The following ST8SIA4 variants were observed in gnomAD, a reference collection of about 807,000 sequenced individuals.
ST8SIA4 encodes the protein ST8 alpha-N-acetyl-neuraminide alpha-2,8-sialyltransferase 4.
Under a neutral mutation model 33.9 loss-of-function variants are expected in ST8SIA4, and 15 were observed. The ratio of observed to expected loss-of-function variants is 0.44; its 90% CI spans 0.30 to 0.68. The LOEUF (loss-of-function observed/expected upper bound fraction) is 0.68. ST8SIA4 is among the 30% of genes least tolerant of loss of function. ST8SIA4 has a pLI of 0.10. For missense variants in ST8SIA4, 321 were observed against 428.0 expected, an observed-to-expected ratio of 0.75 and a Z score of 2.21; for synonymous variants, 171 against 151.2, an observed-to-expected ratio of 1.13 and a Z score of -0.96.
At chr5:100,900,825 A>T (rs1036341296) in intron 1 of ST8SIA4, among the ~76,000 whole-genome samples, 1 of 152,108 alleles carries the variant, frequency 6.6e-6, no homozygotes, top group African/African-American at 2.4e-5. Flanking sequence ...GTCCTGCAAT[A>T]AAGGTTTCCC....
chr5:100,836,724 A>G (rs1178111563), intron 4 of ST8SIA4, among the ~76,000 whole-genome samples: 4 of 152,032 alleles, frequency 2.6e-5, no homozygotes, highest in Admixed American at 6.6e-5. Flanking sequence ...TAAACAATCA[A>G]CTTGAATTAT....
At chr5:100,893,514 A>C (rs1752716958) in intron 2 of ST8SIA4, among the ~76,000 whole-genome samples, 1 of 152,154 alleles carries the variant, frequency 6.6e-6, no homozygotes, top group Non-Finnish European at 1.5e-5. Context: ...GATCACCCTC[A>C]AATACATGAA....
chr5:100,866,315 G>C (rs1424604133), intron 3 of ST8SIA4, among the ~76,000 whole-genome samples: 1 of 152,010 alleles, frequency 6.6e-6, no homozygotes, highest in African/African-American at 2.4e-5. Context: ...GGAGAAATAA[G>C]ATATGTAAAA....
rs776598429 is a variant in ST8SIA4 at position 100,816,499 on chromosome 5, A to G, written c.798-4370T>C. ...GTTTAGAAGTATTACATTGGTGCAA[A>G]AGTAACTGCAGTTTTTGCTATTGAA... On this transcript the variant is annotated intron_variant, in intron 4 of 4. Transcript: ENST00000231461. 4 of 527,062 alleles carry G rather than the reference A, an allele frequency of 7.6e-6. No individual in the cohort carries two copies. The Admixed American group carries it at 8.0e-5, about 11-fold the overall frequency. The allele number at this position is 527,062 out of a possible 1,614,324, so 32.6% of individuals were successfully genotyped here. A position where few individuals can be genotyped will look rare whatever the true frequency, so the allele number is the denominator to read the frequency against.
chr5:100,834,766 T>C lies in ST8SIA4; in HGVS notation c.797+21337A>G, dbSNP rs575266278. Among the ~76,000 whole-genome samples the C allele has an allele frequency of 2.0e-5, 3 of 152,240 alleles. No homozygotes were observed. In the East Asian group the frequency reaches 5.8e-4, roughly 29 times the overall value. On this transcript the variant is annotated intron_variant, in intron 4 of 4. Transcript: ENST00000231461. ...ATCTCCCAGCTCTTTCTCTTGACCC[T>C]GCTCTCACCATGTGAGAGCCTGTCC...
rs918770216 is a variant in ST8SIA4, at chr5:100,895,725, C to G, written c.174G>C (p.Lys58Asn). The change falls in exon 2 of 5, where the codon AAG becomes AAC. Residue 58 changes from lysine (K) to asparagine (N), a missense_variant. By Grantham distance (94) the Lys-to-Asn change is moderately conservative (BLOSUM62 0). Transcript: ENST00000231461. ...TGTGCTGGAAGATTGAAGAGCCAGCCTTTCGAATGATTTTATCAGAGCTAT... is the reference window on the plus strand; with the variant it reads ...TGTGCTGGAAGATTGAAGAGCCAGCGTTTCGAATGATTTTATCAGAGCTAT... Reference protein sequence around the residue: ...LVNSSDKIIRKAGSSIFQHNV... With the variant: ...LVNSSDKIIRNAGSSIFQHNV... 2 of 1,612,832 alleles carry G rather than the reference C, an allele frequency of 1.2e-6. No homozygotes were observed. Among genetic ancestry groups the G allele is most frequent in the Non-Finnish European group, 1.7e-6 (2 of 1,179,150 alleles).
At chr5:100,890,782 G>C (rs1752643995) in intron 2 of ST8SIA4, 1 of 151,860 alleles carries the variant, frequency 6.6e-6, no homozygotes, top group South Asian at 2.1e-4. Context: ...AAAGATAACT[G>C]AAGGAATCTG....
chr5:100,886,398 T>C lies in ST8SIA4; in HGVS notation c.448A>G (p.Ile150Val), dbSNP rs1752537856. 6.2e-7 allele frequency: 1 copy of C among 1,613,820 alleles called. No individual in the cohort carries two copies. Among genetic ancestry groups the C allele is most frequent in the Admixed American group, 1.7e-5 (1 of 59,988 alleles). ...TTTCCACATTCACTGTCTAACAGAA[T>C]GCCAGAATTTCCAACAACTGCACAG... is the stretch of plus-strand genomic sequence containing the variant. Reference protein sequence around the residue: ...KTCAVVGNSGILLDSECGKEI... With the variant: ...KTCAVVGNSGVLLDSECGKEI... The change falls in exon 3 of 5, where the codon ATT (isoleucine) becomes GTT (valine). Residue 150 changes from isoleucine (I) to valine (V), a missense_variant. By Grantham distance (29) the Ile-to-Val change is conservative (BLOSUM62 3). Coordinates refer to ENST00000231461, the MANE Select transcript of ST8SIA4 (RefSeq NM_005668.6).
At chr5:100,871,712 G>C (rs553816113) in intron 3 of ST8SIA4, among the ~76,000 whole-genome samples, 1 of 152,132 alleles carries the variant, frequency 6.6e-6, no homozygotes, top group South Asian at 2.1e-4. Flanking sequence ...CTATGACGAT[G>C]AACTCAAACA....
At position 100,875,511 on chromosome 5, in the gene ST8SIA4, T is replaced by C. The variant is rs76742215; in HGVS notation, c.503+10832A>G. Reference sequence around the variant, plus strand: ...ACATTCTATTAGTCCCTCTGCATTATTGGAAATAATAAACCTGGCCGTAGA... The same window carrying C: ...ACATTCTATTAGTCCCTCTGCATTACTGGAAATAATAAACCTGGCCGTAGA... On this transcript the variant is annotated intron_variant, in intron 3 of 4. Coordinates refer to ENST00000231461, the MANE Select transcript of ST8SIA4 (RefSeq NM_005668.6). 2.8e-3 allele frequency among the ~76,000 whole-genome samples: 423 copies of C among 152,290 alleles called. 10 individuals carry two copies. In the East Asian group the frequency reaches 0.069, roughly 25 times the overall value.
rs1023374216 is a variant in ST8SIA4 at position 100,807,612 on chromosome 5, C to T, written c.*4235G>A. The T allele has an allele frequency of 1.3e-5, 2 of 152,454 alleles. No homozygotes were observed. Among genetic ancestry groups the T allele is most frequent in the South Asian group, 4.1e-4 (2 of 4,824 alleles). The allele number at this position is 152,454 out of a possible 1,614,324, so 9.4% of individuals were successfully genotyped here. A position where few individuals can be genotyped will look rare whatever the true frequency, so the allele number is the denominator to read the frequency against. On this transcript the variant is annotated 3_prime_UTR_variant, in exon 5 of 5. Transcript: ENST00000231461. ...TGGACATACTAGACCCTTACTGTAA[C>T]TCTACGTATGAACGACATAGAATTC...
intron 3 of ST8SIA4, among the ~76,000 whole-genome samples, chr5:100,867,762 T>G (rs1469324559): frequency 6.6e-6 from 1 of 152,024 alleles, no homozygotes; most frequent in Admixed American, 6.6e-5. Context: ...GATTTTTAAC[T>G]TAGTATATAT....
rs1383671284 is a variant in ST8SIA4, at chr5:100,889,035, T to C, written c.246-2435A>G. ...ACTGACACACCATAACAGTTTATCT[T>C]AACAAAGTCCAGGTTATATAAGAAG... On this transcript the variant is annotated intron_variant, in intron 2 of 4. Coordinates refer to ENST00000231461, the MANE Select transcript of ST8SIA4 (RefSeq NM_005668.6). 3.3e-5 allele frequency among the ~76,000 whole-genome samples: 5 copies of C among 151,912 alleles called. No homozygotes were observed. The South Asian group carries it at 1.0e-3, about 31-fold the overall frequency.
In ST8SIA4 at chr5:100,815,828, T is replaced by G. The variant is rs77878284; in HGVS notation, c.798-3699A>C. 9.2e-3 allele frequency among the ~76,000 whole-genome samples: 1,398 copies of G among 152,262 alleles called. 18 individuals are homozygous for G. The highest frequency in any genetic ancestry group is 0.032 in the African/African-American group (1,328 of 41,556). The stretch of plus-strand genomic sequence containing the variant: ...GCTGCTTCACTTCTTTGGAGCCCAG[T>G]TAACAATATTTAACAAGAAAGGTTG... On this transcript the variant is annotated intron_variant, in intron 4 of 4. Coordinates refer to ENST00000231461, the MANE Select transcript of ST8SIA4 (RefSeq NM_005668.6).
In ST8SIA4 at chr5:100,810,261, C is replaced by CTAAATT. The variant is rs1750788095; in HGVS notation, c.*1580_*1585dup. Reference sequence around the variant, plus strand: ...TTGAAGAACATATGTGATATTGTGACTAAATTTAACTACAGAAAATATCGG... The same window carrying CTAAATT: ...TTGAAGAACATATGTGATATTGTGACTAAATTTAAATTTAACTACAGAAAATATCGG... On this transcript the variant is annotated 3_prime_UTR_variant, in exon 5 of 5. Transcript: ENST00000231461. 1 of 152,084 alleles carries CTAAATT rather than the reference C, an allele frequency of 6.6e-6. No individual in the cohort carries two copies. Among genetic ancestry groups the CTAAATT allele is most frequent in the African/African-American group, 2.4e-5 (1 of 41,410 alleles). The allele number at this position is 152,084 out of a possible 1,614,324, so 9.4% of individuals were successfully genotyped here.
chr5:100,834,901 C>T (rs1006070691), intron 4 of ST8SIA4, among the ~76,000 whole-genome samples: 1 of 151,994 alleles, frequency 6.6e-6, no homozygotes, highest in African/African-American at 2.4e-5. Flanking sequence ...CCAATTAAAT[C>T]CCTTTTATTT....
At chr5:100,845,796 TA>T (rs943593163) in intron 4 of ST8SIA4, among the ~76,000 whole-genome samples, 4 of 152,142 alleles carry the variant, frequency 2.6e-5, no homozygotes, top group East Asian at 3.9e-4. Context: ...AAATTAATAT[TA>T]AAAAATAATG....
At chr5:100,822,898 G>C (rs1372683940) in intron 4 of ST8SIA4, among the ~76,000 whole-genome samples, 1 of 152,126 alleles carries the variant, frequency 6.6e-6, no homozygotes, top group Non-Finnish European at 1.5e-5. Flanking sequence ...TTGGGAGACC[G>C]AGGCGGGCGG....
chr5:100,824,093 A>T (rs1751090466), intron 4 of ST8SIA4, among the ~76,000 whole-genome samples: 1 of 152,176 alleles, frequency 6.6e-6, no homozygotes. Context: ...TTGTTTGATG[A>T]TTGGTTCTAC....
Sources: allele counts gnomAD v4.1 joint callset (sites outside exome capture counted in the v4.1 genomes callset), GRCh38; gene constraint gnomAD v4.1.1; transcripts MANE v1.5; gene names NCBI Gene and HGNC (gene_info 2026-07-23, HGNC 2026-07-21).